The following OR10H5 variants were observed in gnomAD, a reference collection of about 807,000 sequenced individuals.
OR10H5 encodes olfactory receptor 10H5.
A neutral mutation model predicts 12.2 loss-of-function variants in OR10H5; 7 were observed. The observed-to-expected ratio is 0.57, with a 90% confidence interval of 0.33 to 1.07. The LOEUF (loss-of-function observed/expected upper bound fraction) is 1.07, where lower values mean the gene tolerates loss of function less well. Among genes scored for constraint, OR10H5 ranks in the 50% least tolerant of loss-of-function variants. The probability of loss-of-function intolerance (pLI) is 0.04; values close to 1 mark genes in which losing one functional copy is unlikely to be tolerated. For missense variants in OR10H5, 346 were observed against 411.6 expected (o/e 0.84, Z 1.38); for synonymous variants, 159 against 175.1 (o/e 0.91, Z 0.73).
intron 1 of OR10H5, among the ~76,000 whole-genome samples, chr19:15,791,699 T>TA (rs1568448694): frequency 6.6e-6 from 1 of 151,030 alleles, no homozygotes; most frequent in African/African-American, 2.4e-5. Flanking sequence ...ATTATTATTT[T>TA]TTTTTTTTTT....
Position 15,794,725 on chromosome 19 carries a change from T to C in OR10H5, c.677T>C (p.Ile226Thr). ...LLSYAFIVAA[I>T]LKIPSAEGRN... Reference sequence around the variant, plus strand: ...TCCTATGCCTTCATCGTGGCCGCCATCTTGAAGATCCCTTCTGCTGAAGGT... The same window carrying C: ...TCCTATGCCTTCATCGTGGCCGCCACCTTGAAGATCCCTTCTGCTGAAGGT... The change falls in exon 2 of 2, where the codon ATC becomes ACC. Residue 226 changes from isoleucine to threonine, a missense_variant. By Grantham distance (89) the Ile-to-Thr change is moderately conservative. Coordinates refer to ENST00000642092, the MANE Select transcript of OR10H5 (RefSeq NM_001004466.2). 9 of 1,613,790 alleles carry C rather than the reference T, an allele frequency of 5.6e-6. No homozygotes were observed. The highest frequency in any genetic ancestry group is 1.6e-4 in the Middle Eastern group (1 of 6,062).
intron 1 of OR10H5, among the ~76,000 whole-genome samples, chr19:15,793,453 G>A (rs532401720): frequency 1.4e-4 from 22 of 151,978 alleles, no homozygotes; most frequent in African/African-American, 4.8e-4. Flanking sequence ...TTGTAGAGAT[G>A]GAGTTTCACT....
intron 1 of OR10H5, among the ~76,000 whole-genome samples, chr19:15,793,136 A>G (rs956060681): frequency 4.0e-5 from 6 of 151,768 alleles, no homozygotes; most frequent in Non-Finnish European, 7.4e-5. Flanking sequence ...TTTTTGTTTT[A>G]TGAGATAGCA....
chr19:15,795,182 T>G lies in OR10H5; in HGVS notation c.*186T>G. 2.2e-6 allele frequency: 1 copy of G among 455,434 alleles called. No individual in the cohort carries two copies. The allele number at this position is 455,434 out of a possible 1,614,324, so 28.2% of individuals were successfully genotyped here. Reference sequence around the variant, plus strand: ...GTCCACCCTCCCTCCCCCCTCCTCCTTGCCTTCCTTCCATCCTTCCTCCCT... The same window carrying G: ...GTCCACCCTCCCTCCCCCCTCCTCCGTGCCTTCCTTCCATCCTTCCTCCCT... On this transcript the variant is annotated 3_prime_UTR_variant, in exon 2 of 2. Transcript: ENST00000642092.
rs369557417 is a variant in OR10H5 at position 15,794,624 on chromosome 19, T to C, written c.576T>C (p.Asp192=). ...PPLLKLACGD[D]VLVVAKGVGL... ...TGTTGAAGTTGGCCTGTGGAGATGA[T>C]GTGCTGGTGGTGGCCAAAGGCGTGG... The change falls in exon 2 of 2, where the codon GAT becomes GAC. Residue 192 remains aspartate, a synonymous_variant. Transcript: ENST00000642092. 13 of 1,614,142 alleles carry C rather than the reference T, an allele frequency of 8.1e-6. No individual in the cohort carries two copies. In the African/African-American group the frequency reaches 1.6e-4, roughly 20 times the overall value.
At chr19:15,793,333 C>G (rs1426946176) in intron 1 of OR10H5, among the ~76,000 whole-genome samples, 2 of 152,122 alleles carry the variant, frequency 1.3e-5, no homozygotes, top group African/African-American at 4.8e-5. Flanking sequence ...TTTGCCCAGA[C>G]TGGTCTCAAG....
intron 1 of OR10H5, among the ~76,000 whole-genome samples, chr19:15,793,398 G>A (rs969941025): frequency 6.6e-6 from 1 of 152,076 alleles, no homozygotes; most frequent in African/African-American, 2.4e-5. Flanking sequence ...TGGGACCACA[G>A]GCATGCACCA....
chr19:15,793,179 G>T (rs920154660), intron 1 of OR10H5, among the ~76,000 whole-genome samples: 3 of 152,026 alleles, frequency 2.0e-5, no homozygotes, highest in Non-Finnish European at 4.4e-5. Context: ...AAGTGCAGTG[G>T]CTCAGTCATA....
rs1285829355 is a variant in OR10H5 at position 15,795,885 on chromosome 19, C to A, written c.*889C>A. The A allele has an allele frequency of 6.6e-6, 1 of 152,328 alleles. No homozygotes were observed. The highest frequency in any genetic ancestry group is 6.6e-5 in the Admixed American group (1 of 15,266). 9.4% of individuals were successfully genotyped at this position (152,328 alleles called of 1,614,324 possible). A position where few individuals can be genotyped will look rare whatever the true frequency, so the allele number is the denominator to read the frequency against. The stretch of plus-strand genomic sequence containing the variant: ...TCAACTTCTGGGCTCAAGCAATTCT[C>A]CCACCTCAGCCTCCAGAGAAGCTAG... On this transcript the variant is annotated 3_prime_UTR_variant, in exon 2 of 2. Coordinates refer to ENST00000642092, the MANE Select transcript of OR10H5 (RefSeq NM_001004466.2).
In OR10H5 at chr19:15,799,645, TAA is replaced by T. The variant is rs1334074866; in HGVS notation, c.*4651_*4652del. On this transcript the variant is annotated 3_prime_UTR_variant, in exon 2 of 2. Transcript: ENST00000642092. ...ATATAATTGTATGTTGTCTACAAGG[TAA>T]ACCTTAAAAGTATGACAAATAGAGG... 2.9e-4 allele frequency: 44 copies of T among 151,558 alleles called. No individual in the cohort carries two copies. The highest frequency in any genetic ancestry group is 9.9e-4 in the African/African-American group (41 of 41,212). The allele number at this position is 151,558 out of a possible 1,614,324, so 9.4% of individuals were successfully genotyped here. A position where few individuals can be genotyped will look rare whatever the true frequency, so the allele number is the denominator to read the frequency against.
In OR10H5 at chr19:15,794,280, A is replaced by G; in HGVS notation, c.232A>G (p.Ile78Val). ...ITEILYTVAI[I>V]PRMLADLLST... ...CGAGATCCTCTACACCGTGGCCATC[A>G]TCCCGCGCATGCTGGCCGACCTGCT... The change falls in exon 2 of 2, where the codon ATC becomes GTC. Residue 78 changes from isoleucine (I) to valine (V), a missense_variant. Transcript: ENST00000642092. The G allele has an allele frequency of 1.9e-6, 3 of 1,612,040 alleles. No homozygotes were observed. Among genetic ancestry groups the G allele is most frequent in the Non-Finnish European group, 1.7e-6 (2 of 1,179,388 alleles).
intron 1 of OR10H5, among the ~76,000 whole-genome samples, chr19:15,792,899 A>G (rs2088815596): frequency 6.6e-6 from 1 of 152,150 alleles, no homozygotes; most frequent in Admixed American, 6.6e-5. Context: ...GAGAAAACTA[A>G]GGCTCACAAC....
At chr19:15,791,762 G>A (rs375604507) in intron 1 of OR10H5, among the ~76,000 whole-genome samples, 3 of 150,846 alleles carry the variant, frequency 2.0e-5, no homozygotes, top group African/African-American at 7.3e-5. Flanking sequence ...GCGCCATCTC[G>A]GCTCACTGCA....
chr19:15,789,547 G>A (rs1384804364), intron 1 of OR10H5, among the ~76,000 whole-genome samples: 1 of 152,078 alleles, frequency 6.6e-6, no homozygotes, highest in Admixed American at 6.5e-5. Context: ...GGAGTTCTGT[G>A]TGTGCAGAAG....
At chr19:15,789,768 T>C (rs2088800566) in intron 1 of OR10H5, among the ~76,000 whole-genome samples, 1 of 131,992 alleles carries the variant, frequency 7.6e-6, no homozygotes, top group Non-Finnish European at 1.5e-5. Context: ...TTCTCTTTTC[T>C]TTTTTTTCTT....
Position 15,799,491 on chromosome 19 carries a change from A to G in OR10H5, c.*4495A>G, listed in dbSNP as rs1034480152. 1 of 152,090 alleles carries G rather than the reference A, an allele frequency of 6.6e-6. No individual in the cohort carries two copies. The highest frequency in any genetic ancestry group is 6.6e-5 in the Admixed American group (1 of 15,264). The allele number at this position is 152,090 out of a possible 1,614,324, so 9.4% of individuals were successfully genotyped here. ...GAAAGACTAAAAAATGGAAGCCATCATTAATTTAAAACAGGATTAAGTGCC... is the reference window on the plus strand; with the variant it reads ...GAAAGACTAAAAAATGGAAGCCATCGTTAATTTAAAACAGGATTAAGTGCC... On this transcript the variant is annotated 3_prime_UTR_variant, in exon 2 of 2. Coordinates refer to ENST00000642092, the MANE Select transcript of OR10H5 (RefSeq NM_001004466.2).
chr19:15,794,739 T>G lies in OR10H5; in HGVS notation c.691T>G (p.Ser231Ala). 1 of 1,613,702 alleles carries G rather than the reference T, an allele frequency of 6.2e-7. No homozygotes were observed. The highest frequency in any genetic ancestry group is 8.5e-7 in the Non-Finnish European group (1 of 1,179,666). ...CGTGGCCGCCATCTTGAAGATCCCT[T>G]CTGCTGAAGGTCGGAACAAGGCCTT... ...FIVAAILKIP[S>A]AEGRNKAFST... The change falls in exon 2 of 2, where the codon TCT becomes GCT. Residue 231 changes from serine (S) to alanine (A), a missense_variant. Transcript: ENST00000642092.
rs1480424938 is a variant in OR10H5, at chr19:15,794,029, A to C, written c.-11-9A>C. 6.3e-7 allele frequency: 1 copy of C among 1,595,962 alleles called. No homozygotes were observed. The highest frequency in any genetic ancestry group is 8.6e-7 in the Non-Finnish European group (1 of 1,168,956). ...CCACTGGGTCTTCTTTCCTCTCTCCACCAACTAGGGGTGGCCGCCATGCAG... is the reference window on the plus strand; with the variant it reads ...CCACTGGGTCTTCTTTCCTCTCTCCCCCAACTAGGGGTGGCCGCCATGCAG... On this transcript the variant is annotated splice_polypyrimidine_tract_variant and intron_variant, in intron 1 of 1. Coordinates refer to ENST00000642092, the MANE Select transcript of OR10H5 (RefSeq NM_001004466.2).
intron 1 of OR10H5, among the ~76,000 whole-genome samples, chr19:15,792,611 G>A (rs955957591): frequency 6.6e-6 from 1 of 151,938 alleles, no homozygotes; most frequent in Middle Eastern, 3.2e-3. Context: ...GATTACAGGT[G>A]CATGTCACCA....
Sources: allele counts gnomAD v4.1 joint callset (sites outside exome capture counted in the v4.1 genomes callset), GRCh38; gene constraint gnomAD v4.1.1; transcripts MANE v1.5; gene names NCBI Gene and HGNC (gene_info 2026-07-23, HGNC 2026-07-21).